WDR25: variants seen among roughly 807,000 people sequenced by gnomAD.
WDR25 encodes the protein WD repeat domain 25.
WDR25 carries 35 observed loss-of-function variants against 47.7 expected under a neutral mutation model. The ratio of observed to expected loss-of-function variants is 0.73; its 90% CI spans 0.56 to 0.97. The LOEUF is 0.97. WDR25 is among the 50% of genes least tolerant of loss of function. The pLI is 0.00. For missense variants in WDR25, 634 were observed against 704.7 expected (o/e 0.90, Z 1.14); for synonymous variants, 248 against 278.9 (o/e 0.89, Z 1.10).
chr14:100,453,180 G>C (rs1047423932), intron 2 of WDR25, among the ~76,000 whole-genome samples: 1 of 152,240 alleles, frequency 6.6e-6, no homozygotes, highest in Non-Finnish European at 1.5e-5. Context: ...AGAGGGGTTA[G>C]TCTGGCTTTG....
At chr14:100,426,211 A>G (rs1270959173) in intron 2 of WDR25, among the ~76,000 whole-genome samples, 1 of 152,192 alleles carries the variant, frequency 6.6e-6, no homozygotes, top group Non-Finnish European at 1.5e-5. Flanking sequence ...TAGAGAAGAT[A>G]ATGGGCTCTG....
At chr14:100,513,686 C>T (rs2140367608) in intron 4 of WDR25, among the ~76,000 whole-genome samples, 2 of 146,798 alleles carry the variant, frequency 1.4e-5, no homozygotes, top group East Asian at 3.9e-4. Context: ...TGTGAAAGGA[C>T]CCTCTTTTTT....
chr14:100,474,326 T>C (rs1003403192), intron 3 of WDR25, among the ~76,000 whole-genome samples: 24 of 152,212 alleles, frequency 1.6e-4, no homozygotes, highest in African/African-American at 5.5e-4. Flanking sequence ...TGCCAGCCCT[T>C]AACTGCCACT....
chr14:100,411,988 C>T (rs1291232539), intron 2 of WDR25, among the ~76,000 whole-genome samples: 1 of 152,118 alleles, frequency 6.6e-6, no homozygotes, highest in African/African-American at 2.4e-5. Flanking sequence ...TGCTGTTTCC[C>T]TTAAAATGGT....
chr14:100,495,361 C>G (rs900893894), intron 4 of WDR25, among the ~76,000 whole-genome samples: 1 of 152,142 alleles, frequency 6.6e-6, no homozygotes, highest in Non-Finnish European at 1.5e-5. Context: ...GTCTCAAAAA[C>G]AAACAAACAA....
chr14:100,382,246 C>A, intron 2 of WDR25: 1 of 696,860 alleles, frequency 1.4e-6, no homozygotes, highest in Non-Finnish European at 2.6e-6. Context: ...GAGGACGGCC[C>A]CCAGTAGGAC....
At chr14:100,467,447 A>G (rs4905965) in intron 2 of WDR25, among the ~76,000 whole-genome samples, 101,431 of 152,044 alleles carry the variant, frequency 0.67, 34,399 homozygotes, top group African/African-American at 0.77. Flanking sequence ...CAGGGATGAA[A>G]CAGGTGTGAA....
intron 2 of WDR25, among the ~76,000 whole-genome samples, chr14:100,410,848 T>C (rs1158089801): frequency 6.6e-6 from 1 of 150,396 alleles, no homozygotes; most frequent in Non-Finnish European, 1.5e-5. Context: ...AGTGGTGCAA[T>C]CATGGCTCAC....
At chr14:100,386,578 T>C (rs935824803) in intron 2 of WDR25, among the ~76,000 whole-genome samples, 2 of 152,222 alleles carry the variant, frequency 1.3e-5, no homozygotes, top group African/African-American at 4.8e-5. Context: ...ATTGTCTTTT[T>C]TTGCTGCCTT....
At chr14:100,403,077 C>T (rs1383391363) in intron 2 of WDR25, among the ~76,000 whole-genome samples, 1 of 152,180 alleles carries the variant, frequency 6.6e-6, no homozygotes, top group South Asian at 2.1e-4. Flanking sequence ...TAAATTTTCT[C>T]TTATGGATAG....
intron 4 of WDR25, among the ~76,000 whole-genome samples, chr14:100,510,247 G>A (rs1168072163): frequency 6.7e-6 from 1 of 150,250 alleles, no homozygotes; most frequent in Non-Finnish European, 1.5e-5. Flanking sequence ...TCCAGCCTGG[G>A]TGACAGAACG....
intron 2 of WDR25, among the ~76,000 whole-genome samples, chr14:100,401,175 G>A (rs774751501): frequency 4.3e-4 from 65 of 152,240 alleles, no homozygotes; most frequent in Admixed American, 1.2e-3. Flanking sequence ...CGCGTCGGCG[G>A]CTGCTCGCTG....
At chr14:100,466,395 T>C (rs1332798558) in intron 2 of WDR25, among the ~76,000 whole-genome samples, 9 of 152,236 alleles carry the variant, frequency 5.9e-5, no homozygotes, top group Admixed American at 5.9e-4. Context: ...AATTTTCTTG[T>C]CTTTAATGAG....
At chr14:100,445,456 A>G (rs1462657826) in intron 2 of WDR25, among the ~76,000 whole-genome samples, 1 of 59,074 alleles carries the variant, frequency 1.7e-5, no homozygotes, top group Non-Finnish European at 3.6e-5. Context: ...ATTTTAAACT[A>G]GTTTATCATA....
chr14:100,432,769 GT>G (rs1898376640), intron 2 of WDR25, among the ~76,000 whole-genome samples: 1 of 152,234 alleles, frequency 6.6e-6, no homozygotes, highest in African/African-American at 2.4e-5. Context: ...CTAGTCATGT[GT>G]TGCTTAACAA....
intron 3 of WDR25, among the ~76,000 whole-genome samples, chr14:100,479,204 G>GCTGCCACATTGCTGCT (rs1900119482): frequency 6.6e-6 from 1 of 152,160 alleles, no homozygotes; most frequent in African/African-American, 2.4e-5. Flanking sequence ...GGGCCTCTGT[G>GCTGCCACATTGCTGCT]CTGCCACATT....
At chr14:100,521,379 CTG>C (rs1435636753) in intron 4 of WDR25, among the ~76,000 whole-genome samples, 1 of 152,202 alleles carries the variant, frequency 6.6e-6, no homozygotes, top group Admixed American at 6.5e-5. Context: ...ACCTCTAACC[CTG>C]TCTCCCCCAT....
Position 100,529,665 on chromosome 14 carries a change from T to C in WDR25, c.1414-155T>C. 1 of 817,922 alleles carries C rather than the reference T, an allele frequency of 1.2e-6. No homozygotes were observed. Among genetic ancestry groups the C allele is most frequent in the South Asian group, 1.8e-5 (1 of 56,374 alleles). 50.7% of individuals were successfully genotyped at this position (817,922 alleles called of 1,614,324 possible). On this transcript the variant is annotated intron_variant, in intron 6 of 6. Coordinates refer to ENST00000402312, the MANE Select transcript of WDR25 (RefSeq NM_001161476.3). This position sits in a 1 kb window ranked among gnomAD's most constrained non-coding sequence, Gnocchi z 5.1. ...CCCGCATCAGGGCTCTACAGCCTCA[T>C]GGGCGGGACCTGGGCTTTGGCCTCA... is the stretch of plus-strand genomic sequence containing the variant.
intron 4 of WDR25, among the ~76,000 whole-genome samples, chr14:100,518,776 A>G (rs1439825851): frequency 1.3e-5 from 2 of 152,014 alleles, no homozygotes; most frequent in Non-Finnish European, 2.9e-5. Context: ...CTGTAGTCCC[A>G]GCTAGAGGAC....
Sources: gnomAD v4.1 joint callset for allele counts (sites outside exome capture counted in the v4.1 genomes callset) on GRCh38, gnomAD v4.1.1 for gene constraint, Gnocchi (gnomAD v3.1) non-coding constraint, MANE v1.5 for transcripts, NCBI Gene and HGNC (gene_info 2026-07-23, HGNC 2026-07-21) for gene names.